Variants in ZNF322 observed in about 807,000 individuals in gnomAD.
The protein encoded by ZNF322 is HLA complex group 12.
ZNF322 carries 1 observed loss-of-function variant against 18.3 expected under a neutral mutation model. The ratio of observed to expected loss-of-function variants is 0.05; its 90% CI spans 0.02 to 0.26. The LOEUF is 0.26. Ranked by LOEUF, ZNF322 falls within the 10% of genes least tolerant of loss-of-function variation. ZNF322 has a pLI of 1.00. For synonymous variants in ZNF322, 17 were observed against 130.7 expected (o/e 0.13, Z 5.93); for missense variants, 36 against 403.6 (o/e 0.09, Z 7.80).
chr6:26,646,154 C>T (rs986029671), intron 2 of ZNF322, among the ~76,000 whole-genome samples: 1 of 151,272 alleles, frequency 6.6e-6, no homozygotes, highest in Non-Finnish European at 1.5e-5. Context: ...GAAAACCTAT[C>T]GTAGAAAAAA....
chr6:26,640,823 A>G (rs1305756023), intron 3 of ZNF322, among the ~76,000 whole-genome samples: 1 of 152,166 alleles, frequency 6.6e-6, no homozygotes, highest in Non-Finnish European at 1.5e-5. Flanking sequence ...AATGTACAGT[A>G]TATGTGCACT....
chr6:26,645,786 CT>C (rs1765547607), intron 2 of ZNF322, among the ~76,000 whole-genome samples: 1 of 152,068 alleles, frequency 6.6e-6, no homozygotes, highest in African/African-American at 2.4e-5. Flanking sequence ...AATCCCCGCA[CT>C]TTGGGAGACC....
In ZNF322 at chr6:26,636,591, G is replaced by A. The variant is rs528015794; in HGVS notation, c.*754C>T. ...AATTAAATCTCTCACTGCAGAACAG[G>A]TTTTTTGGGGCCTGATAAGACAGGA... On this transcript the variant is annotated 3_prime_UTR_variant, in exon 4 of 4. Transcript: ENST00000415922. The A allele has an allele frequency of 1.3e-5, 2 of 151,624 alleles. No homozygotes were observed. The highest frequency in any genetic ancestry group is 4.2e-4 in the South Asian group (2 of 4,778). The allele number at this position is 151,624 out of a possible 1,614,324, so 9.4% of individuals were successfully genotyped here.
intron 2 of ZNF322, among the ~76,000 whole-genome samples, chr6:26,654,009 A>G (rs1765719120): frequency 6.6e-6 from 1 of 152,202 alleles, no homozygotes; most frequent in African/African-American, 2.4e-5. Context: ...TATTCAATCT[A>G]AAGATAAAAA....
At chr6:26,643,922 C>T (rs76064333) in intron 2 of ZNF322, among the ~76,000 whole-genome samples, 194 bp from the exon 3 acceptor site, 6,236 of 152,200 alleles carry the variant, frequency 0.041, 234 homozygotes, top group African/African-American at 0.11. Flanking sequence ...AAGGACAATA[C>T]AGAATCTATA....
intron 3 of ZNF322, 99 bp downstream of exon 3, chr6:26,643,560 A>G (rs1265269384): frequency 2.0e-5 from 3 of 152,396 alleles, no homozygotes; most frequent in Admixed American, 6.5e-5. Flanking sequence ...CTTGTCTGAT[A>G]AAAGGACTGA....
At chr6:26,655,294 T>C (rs1765748199) in intron 2 of ZNF322, among the ~76,000 whole-genome samples, 1 of 152,232 alleles carries the variant, frequency 6.6e-6, no homozygotes, top group Non-Finnish European at 1.5e-5. Flanking sequence ...TAATAGTACT[T>C]ATTGTATGAA....
chr6:26,645,806 C>T (rs146523458), intron 2 of ZNF322, among the ~76,000 whole-genome samples: 4,036 of 151,984 alleles, frequency 0.027, 103 homozygotes, highest in African/African-American at 0.075. Context: ...CCGAGGCAGG[C>T]GGATCATATG....
chr6:26,657,797 A>G (rs1305860069), intron 2 of ZNF322, among the ~76,000 whole-genome samples: 2 of 152,092 alleles, frequency 1.3e-5, no homozygotes, highest in African/African-American at 4.8e-5. Context: ...TGGCTGGTTC[A>G]TCTAGCAAGC....
chr6:26,639,858 T>C (rs1765436835), intron 3 of ZNF322, among the ~76,000 whole-genome samples: 1 of 152,088 alleles, frequency 6.6e-6, no homozygotes. Flanking sequence ...CCAAAATCCT[T>C]TCCACATGCC....
In ZNF322 at chr6:26,634,427, C is replaced by G. The variant is rs1379764941; in HGVS notation, c.*2918G>C. On this transcript the variant is annotated 3_prime_UTR_variant, in exon 4 of 4. Transcript: ENST00000415922. ...TGTTTATTTAATAATTAAGGGCAAA[C>G]AAAAACATTAAAGCATAGGAATACA... 6.6e-6 allele frequency: 1 copy of G among 151,654 alleles called. No homozygotes were observed. Among genetic ancestry groups the G allele is most frequent in the Non-Finnish European group, 1.5e-5 (1 of 67,908 alleles). The allele number at this position is 151,654 out of a possible 1,614,324, so 9.4% of individuals were successfully genotyped here. A position where few individuals can be genotyped will look rare whatever the true frequency, so the allele number is the denominator to read the frequency against.
At position 26,635,247 on chromosome 6, in the gene ZNF322, G is replaced by C. The variant is rs1248183879; in HGVS notation, c.*2098C>G. On this transcript the variant is annotated 3_prime_UTR_variant, in exon 4 of 4. Coordinates refer to ENST00000415922, the MANE Select transcript of ZNF322 (RefSeq NM_024639.5). ...AATGGCAATACTCTCTGAAGTTCAG[G>C]GATCTGCTAGGACAAATCAAACCAA... 1 of 36,248 alleles carries C rather than the reference G, an allele frequency of 2.8e-5. No individual in the cohort carries two copies. The highest frequency in any genetic ancestry group is 1.2e-4 in the African/African-American group (1 of 8,496). 2.2% of individuals were successfully genotyped at this position (36,248 alleles called of 1,614,324 possible).
intron 2 of ZNF322, among the ~76,000 whole-genome samples, chr6:26,657,743 C>T (rs190307332): frequency 6.6e-6 from 1 of 152,114 alleles, no homozygotes; most frequent in African/African-American, 2.4e-5. Flanking sequence ...CAATCATTAT[C>T]CTTGGACCCC....
chr6:26,642,796 C>G (rs894074765), intron 3 of ZNF322, among the ~76,000 whole-genome samples: 5 of 152,206 alleles, frequency 3.3e-5, no homozygotes, highest in Non-Finnish European at 7.3e-5. Flanking sequence ...GATTCCAGAT[C>G]TACTCCACCT....
chr6:26,651,237 A>G (rs1317050908), intron 2 of ZNF322: 1 of 146,224 alleles, frequency 6.8e-6, no homozygotes, highest in Non-Finnish European at 1.5e-5. Flanking sequence ...AAGTAACTAG[A>G]CATTCACATG....
chr6:26,652,201 T>C (rs1320391333), intron 2 of ZNF322, among the ~76,000 whole-genome samples: 1 of 152,150 alleles, frequency 6.6e-6, no homozygotes, highest in Non-Finnish European at 1.5e-5. Flanking sequence ...AGCTGGACTT[T>C]AAAATTAAAA....
intron 1 of ZNF322, among the ~76,000 whole-genome samples, chr6:26,659,159 G>A (rs1554149937): frequency 6.6e-6 from 1 of 152,206 alleles, no homozygotes; most frequent in African/African-American, 2.4e-5. Flanking sequence ...TGAAGATGAA[G>A]CGAAAAATCC....
chr6:26,649,696 TATA>T (rs1176934002), intron 2 of ZNF322, among the ~76,000 whole-genome samples: 994 of 59,744 alleles, frequency 0.017, 71 homozygotes, highest in East Asian at 0.039. Flanking sequence ...TATATATATA[TATA>T]TATTTTTTTT....
intron 2 of ZNF322, among the ~76,000 whole-genome samples, chr6:26,649,686 TATATATATATA>T (rs1199807885): frequency 0.044 from 3,681 of 84,044 alleles, 241 homozygotes; most frequent in Non-Finnish European, 0.054. Context: ...TATATATATA[TATATATATATA>T]TATATTTTTT....
Sources: allele counts gnomAD v4.1 joint callset (sites outside exome capture counted in the v4.1 genomes callset), GRCh38; gene constraint gnomAD v4.1.1; transcripts MANE v1.5; gene names NCBI Gene and HGNC (gene_info 2026-07-23, HGNC 2026-07-21).